CUL4A: variants seen among roughly 807,000 people sequenced by gnomAD.
The protein encoded by CUL4A is cullin-4A.
In CUL4A, 16 loss-of-function variants were observed where a neutral mutation model predicts 95.5. The ratio of observed to expected loss-of-function variants is 0.17; its 90% CI spans 0.11 to 0.25. CUL4A has a LOEUF of 0.25. CUL4A is among the 10% of genes least tolerant of loss of function. The pLI is 1.00. For synonymous variants in CUL4A, 380 were observed against 353.1 expected, an observed-to-expected ratio of 1.08 and a Z score of -0.85; for missense variants, 610 against 937.0, an observed-to-expected ratio of 0.65 and a Z score of 4.56.
chr13:113,266,854 A>T lies in CUL4A; in HGVS notation c.*3272A>T, dbSNP rs969350380. 3 of 152,228 alleles carry T rather than the reference A, an allele frequency of 2.0e-5. No homozygotes were observed. Among genetic ancestry groups the T allele is most frequent in the Non-Finnish European group, 4.4e-5 (3 of 68,042 alleles). 9.4% of individuals were successfully genotyped at this position (152,228 alleles called of 1,614,324 possible). A position where few individuals can be genotyped will look rare whatever the true frequency, so the allele number is the denominator to read the frequency against. On this transcript the variant is annotated 3_prime_UTR_variant, in exon 20 of 20. Transcript: ENST00000375440. The stretch of plus-strand genomic sequence containing the variant: ...TACATATATATGAAACCATAATCAT[A>T]AGATACTTTTTTTGTAAATTGACTA...
intron 7 of CUL4A, 54 bp downstream of exon 7, chr13:113,234,040 C>T (rs1170664143): frequency 4.9e-6 from 5 of 1,025,622 alleles, no homozygotes; most frequent in Non-Finnish European, 4.5e-6. Context: ...CAGATGAGCA[C>T]CTAGGAGGAC....
At chr13:113,227,563 A>C (rs2041151086) in intron 3 of CUL4A, among the ~76,000 whole-genome samples, 1 of 152,198 alleles carries the variant, frequency 6.6e-6, no homozygotes, top group African/African-American at 2.4e-5. Context: ...CCAGTTACTG[A>C]ATGGTGTGTA....
chr13:113,231,705 G>A (rs1029840425), intron 5 of CUL4A, among the ~76,000 whole-genome samples: 1 of 152,178 alleles, frequency 6.6e-6, no homozygotes, highest in Non-Finnish European at 1.5e-5. Context: ...CACACAGCTA[G>A]CAAGTAGTAG....
intron 3 of CUL4A, 167 bp downstream of exon 3, chr13:113,219,215 T>G (rs1325247802): frequency 4.0e-6 from 2 of 504,804 alleles, no homozygotes; most frequent in Non-Finnish European, 6.9e-6. Flanking sequence ...TTAAATTATT[T>G]TGCTGATTTG....
intron 18 of CUL4A, 78 bp downstream of exon 18, chr13:113,255,203 G>A: frequency 9.4e-7 from 1 of 1,066,278 alleles, no homozygotes; most frequent in Non-Finnish European, 1.4e-6. Flanking sequence ...GTTTTTGGCT[G>A]TTAGAGGCCT....
Position 113,209,657 on chromosome 13 carries a change from C to T in CUL4A, c.30C>T (p.Ser10=), listed in dbSNP as rs1253224457. The T allele has an allele frequency of 1.2e-5, 14 of 1,125,906 alleles. No individual in the cohort carries two copies. Among genetic ancestry groups the T allele is most frequent in the African/African-American group, 1.7e-5 (1 of 60,094 alleles). 69.7% of individuals were successfully genotyped at this position (1,125,906 alleles called of 1,614,324 possible). Residue 10 remains serine (S), a synonymous_variant, in exon 1 of 20, where the codon AGC becomes AGT. Coordinates refer to ENST00000375440, the MANE Select transcript of CUL4A (RefSeq NM_001008895.4). ...CGGACGAGGCCCCGCGGAAGGGCAGCTTCTCGGCGCTCGTGGGCCGCACCA... is the reference window on the plus strand; with the variant it reads ...CGGACGAGGCCCCGCGGAAGGGCAGTTTCTCGGCGCTCGTGGGCCGCACCA... MADEAPRKG[S]FSALVGRTNG...
chr13:113,256,444 G>A (rs1284087882), intron 18 of CUL4A, among the ~76,000 whole-genome samples: 2 of 152,158 alleles, frequency 1.3e-5, no homozygotes, highest in African/African-American at 2.4e-5. Flanking sequence ...GAGCTGCTGG[G>A]TAAAATAATG....
At chr13:113,243,867 G>C (rs2139235200) in intron 11 of CUL4A, among the ~76,000 whole-genome samples, 1 of 152,302 alleles carries the variant, frequency 6.6e-6, no homozygotes, top group East Asian at 1.9e-4. Flanking sequence ...TGAGCTCTTG[G>C]GAGTTTGGGC....
At chr13:113,249,918 T>C (rs1002991654) in intron 15 of CUL4A, among the ~76,000 whole-genome samples, 1 of 152,240 alleles carries the variant, frequency 6.6e-6, no homozygotes, top group Non-Finnish European at 1.5e-5. Flanking sequence ...GTTCACGTGC[T>C]TTGCCTAGTT....
chr13:113,239,368 T>G (rs952126261), intron 9 of CUL4A, 65 bp from the exon 10 acceptor site: 131 of 1,351,952 alleles, frequency 9.7e-5, no homozygotes, highest in Non-Finnish European at 1.3e-4. Context: ...GCACGCTGTA[T>G]TCTAGTTGAG....
At chr13:113,208,599 C>T (rs138888496), upstream of CUL4A, 1 of 1,606,634 alleles carries the variant, frequency 6.2e-7, no homozygotes, top group South Asian at 1.1e-5. Context: ...TAGGACCCAC[C>T]TGCTGCAGGT....
At chr13:113,208,619 T>G (rs751379841), upstream of CUL4A, 9 of 1,607,416 alleles carry the variant, frequency 5.6e-6, no homozygotes, top group Admixed American at 6.7e-5. Flanking sequence ...TACTGGTTAA[T>G]GGTAATGTGC....
rs545408435 is a variant in CUL4A at position 113,213,992 on chromosome 13, A to G, written c.264+3904A>G. Reference sequence around the variant, plus strand: ...GCAAATGTGAAATTACTGATGTCTGATCAAGCAGGCAATACATTTGACTTG... The same window carrying G: ...GCAAATGTGAAATTACTGATGTCTGGTCAAGCAGGCAATACATTTGACTTG... On this transcript the variant is annotated intron_variant, in intron 2 of 19. Coordinates refer to ENST00000375440, the MANE Select transcript of CUL4A (RefSeq NM_001008895.4). Among the ~76,000 whole-genome samples the G allele has an allele frequency of 4.6e-5, 7 of 152,362 alleles. 1 individual carries two copies. The South Asian group carries it at 1.4e-3, about 32-fold the overall frequency.
At chr13:113,238,380 G>C (rs2041611858) in intron 9 of CUL4A, among the ~76,000 whole-genome samples, 1 of 151,814 alleles carries the variant, frequency 6.6e-6, no homozygotes, top group Non-Finnish European at 1.5e-5. Context: ...TGGCCCAGGG[G>C]GTTAAGGCTA....
intron 2 of CUL4A, 51 bp downstream of exon 2, chr13:113,210,139 G>A: frequency 7.7e-7 from 1 of 1,292,234 alleles, no homozygotes. Flanking sequence ...GCGTGACGCA[G>A]ACGCGGCCGG....
intron 2 of CUL4A, among the ~76,000 whole-genome samples, chr13:113,212,864 T>A (rs1162941064): frequency 6.6e-6 from 1 of 152,218 alleles, no homozygotes; most frequent in Admixed American, 6.5e-5. Flanking sequence ...CCCTACTGAA[T>A]TGCCTTTGCT....
intron 8 of CUL4A, among the ~76,000 whole-genome samples, chr13:113,236,501 C>T (rs1025434469): frequency 2.6e-5 from 4 of 152,184 alleles, no homozygotes; most frequent in African/African-American, 9.6e-5. Flanking sequence ...TGCATTAAAA[C>T]GTTCCTTATA....
At chr13:113,258,600 A>C (rs576421521) in intron 18 of CUL4A, among the ~76,000 whole-genome samples, 9 of 152,234 alleles carry the variant, frequency 5.9e-5, no homozygotes, top group Non-Finnish European at 1.2e-4. Context: ...GTGGTGGCCC[A>C]GGTCCTCTGT....
chr13:113,220,072 G>C (rs906594265), intron 3 of CUL4A, among the ~76,000 whole-genome samples: 9 of 152,180 alleles, frequency 5.9e-5, no homozygotes, highest in African/African-American at 1.7e-4. Context: ...GTTTGTGTTT[G>C]CTTATTTCTA....
Sources: allele counts gnomAD v4.1 joint callset (sites outside exome capture counted in the v4.1 genomes callset), GRCh38; gene constraint gnomAD v4.1.1; transcripts MANE v1.5; gene names NCBI Gene and HGNC (gene_info 2026-07-23, HGNC 2026-07-21).